The following INSC variants were observed in gnomAD, a reference collection of about 807,000 sequenced individuals.
INSC encodes INSC spindle orientation adaptor protein.
Under a neutral mutation model 58.6 loss-of-function variants are expected in INSC, and 67 were observed. That is an observed-to-expected ratio of 1.14 (90% CI 0.94 to 1.40). The LOEUF (loss-of-function observed/expected upper bound fraction) is 1.40, where lower values mean the gene tolerates loss of function less well. INSC is among the 40% of genes most tolerant of loss of function. INSC has a pLI of 0.00. For synonymous variants in INSC, 262 were observed against 276.1 expected (o/e 0.95, Z 0.51); for missense variants, 714 against 692.0 (o/e 1.03, Z -0.36).
At chr11:15,139,096 T>C (rs1848311646) in intron 1 of INSC, among the ~76,000 whole-genome samples, 1 of 152,222 alleles carries the variant, frequency 6.6e-6, no homozygotes, top group South Asian at 2.1e-4. Context: ...CTTTCTCCTA[T>C]GTCATTTTCC....
intron 8 of INSC, 51 bp from the exon 9 acceptor site, chr11:15,225,599 G>A: frequency 6.4e-7 from 1 of 1,555,228 alleles, no homozygotes; most frequent in Non-Finnish European, 8.8e-7. Context: ...TGAGACAAGT[G>A]ATATGAAAAC....
the INSC span, among the ~76,000 whole-genome samples, chr11:15,268,757 T>C: frequency 6.6e-6 from 1 of 152,092 alleles, no homozygotes; most frequent in Non-Finnish European, 1.5e-5. Context: ...TCTGTCTATG[T>C]ATGTTTCAGT....
chr11:15,176,979 A>G (rs1849593271), intron 3 of INSC, 132 bp from the exon 4 acceptor site: 2 of 757,818 alleles, frequency 2.6e-6, no homozygotes, highest in Admixed American at 1.8e-5. Context: ...ACACTGTGTT[A>G]TATTTTAACT....
chr11:15,244,107 T>C (rs753169556), intron 12 of INSC, among the ~76,000 whole-genome samples: 1 of 152,192 alleles, frequency 6.6e-6, no homozygotes, highest in Non-Finnish European at 1.5e-5. Context: ...TTTATTTTTA[T>C]CCCTAATGAT....
At chr11:15,222,089 A>C (rs1183696346) in intron 8 of INSC, among the ~76,000 whole-genome samples, 1 of 152,188 alleles carries the variant, frequency 6.6e-6, no homozygotes, top group Non-Finnish European at 1.5e-5. Context: ...AGCCCACCAC[A>C]ACCTGCTGCC....
chr11:15,173,016 T>A (rs1479964312), intron 2 of INSC, among the ~76,000 whole-genome samples: 1 of 152,212 alleles, frequency 6.6e-6, no homozygotes, highest in Non-Finnish European at 1.5e-5. Flanking sequence ...TTTTTGAAAG[T>A]CAGTGTGGCA....
chr11:15,126,798 C>T (rs1354930933), intron 1 of INSC, among the ~76,000 whole-genome samples: 2 of 152,200 alleles, frequency 1.3e-5, no homozygotes, highest in Non-Finnish European at 2.9e-5. Flanking sequence ...GATGCTCTAC[C>T]TGACCGCCAG....
At chr11:15,261,097 A>C in the INSC span, among the ~76,000 whole-genome samples, 1 of 152,186 alleles carries the variant, frequency 6.6e-6, no homozygotes, top group African/African-American at 2.4e-5. Flanking sequence ...CTCACATTGT[A>C]GAAGCAGCAT....
intron 1 of INSC, among the ~76,000 whole-genome samples, chr11:15,143,081 T>C (rs1378686145): frequency 6.6e-6 from 1 of 152,142 alleles, no homozygotes; most frequent in Non-Finnish European, 1.5e-5. Context: ...CAAGTGTCTA[T>C]TGATATTATG....
At chr11:15,214,909 T>G (rs1322394706) in intron 7 of INSC, among the ~76,000 whole-genome samples, 2 of 152,228 alleles carry the variant, frequency 1.3e-5, no homozygotes, top group Non-Finnish European at 2.9e-5. Context: ...CACTACAGAA[T>G]GACGCAGCAA....
In INSC at chr11:15,240,476, T is replaced by A. The variant is rs778481628; in HGVS notation, c.1423T>A (p.Ser475Thr). 6.2e-7 allele frequency: 1 copy of A among 1,613,928 alleles called. No homozygotes were observed. The highest frequency in any genetic ancestry group is 8.5e-7 in the Non-Finnish European group (1 of 1,179,948). The change falls in exon 12 of 13, where the codon TCC becomes ACC. Residue 475 changes from serine (S) to threonine (T), a missense_variant. Coordinates refer to ENST00000379556, the MANE Select transcript of INSC (RefSeq NM_001042536.3). ...GTCCCGTCTCATCGAGCTCTGCAGA[T>A]CCCCATCAGAGAGGAACAGCAGTGA... ...CMSRLIELCR[S>T]PSERNSSDAV...
chr11:15,179,842 A>G (rs1849700016), intron 5 of INSC, among the ~76,000 whole-genome samples: 1 of 152,230 alleles, frequency 6.6e-6, no homozygotes. Flanking sequence ...AGCAAGAAAT[A>G]TTGGAGTTAG....
At chr11:15,157,839 C>T (rs186209245) in intron 2 of INSC, among the ~76,000 whole-genome samples, 1 of 152,258 alleles carries the variant, frequency 6.6e-6, no homozygotes, top group African/African-American at 2.4e-5. Context: ...AAAGCTGGGG[C>T]CCCCTTCGAT....
chr11:15,119,365 G>C (rs1397374274), intron 1 of INSC, among the ~76,000 whole-genome samples: 1 of 152,186 alleles, frequency 6.6e-6, no homozygotes, highest in Non-Finnish European at 1.5e-5. Context: ...AGCAACCTCT[G>C]TCCTGGGAAC....
chr11:15,195,741 G>C (rs1850347164), intron 6 of INSC, among the ~76,000 whole-genome samples: 1 of 152,190 alleles, frequency 6.6e-6, no homozygotes, highest in East Asian at 1.9e-4. Flanking sequence ...AAAGGCCTGG[G>C]TTGGGACAAG....
chr11:15,198,594 C>T (rs1261255290), intron 6 of INSC, among the ~76,000 whole-genome samples: 2 of 151,958 alleles, frequency 1.3e-5, no homozygotes, highest in African/African-American at 2.4e-5. Flanking sequence ...TCTCATCTAT[C>T]TACATATATA....
intron 2 of INSC, among the ~76,000 whole-genome samples, chr11:15,171,028 C>T (rs776982928): frequency 2.0e-5 from 3 of 152,164 alleles, no homozygotes; most frequent in Non-Finnish European, 2.9e-5. Flanking sequence ...GCTTTAAAAA[C>T]AATAACTAAG....
At chr11:15,203,416 ATAAGACTTACCCTGG>A (rs563699032) in intron 7 of INSC, among the ~76,000 whole-genome samples, 146 of 152,346 alleles carry the variant, frequency 9.6e-4, no homozygotes, top group African/African-American at 3.3e-3. Flanking sequence ...CTGAAGAGGA[ATAAGACTTACCCTGG>A]TAAGAGCCCC....
chr11:15,241,720 G>A (rs1852363484), intron 12 of INSC: 3 of 643,548 alleles, frequency 4.7e-6, no homozygotes, highest in Admixed American at 2.6e-5. Flanking sequence ...TCCTTTAAAT[G>A]CAAAAAAGTA....
Sources: gnomAD v4.1 joint callset for allele counts (sites outside exome capture counted in the v4.1 genomes callset) on GRCh38, gnomAD v4.1.1 for gene constraint, MANE v1.5 for transcripts, NCBI Gene and HGNC (gene_info 2026-07-23, HGNC 2026-07-21) for gene names.